The following G3BP2 variants were observed in gnomAD, a reference collection of about 807,000 sequenced individuals.
The protein encoded by G3BP2 is ras GTPase-activating protein-binding protein 2.
G3BP2 carries 11 observed loss-of-function variants against 56.7 expected under a neutral mutation model. The observed-to-expected ratio is 0.19, with a 90% CI of 0.12 to 0.32. The LOEUF is 0.32. Among genes scored for constraint, G3BP2 ranks in the 10% least tolerant of loss-of-function variants. The pLI is 1.00. For missense variants in G3BP2, 340 were observed against 610.9 expected (o/e 0.56, Z 4.67); for synonymous variants, 165 against 191.6 (o/e 0.86, Z 1.15).
intron 3 of G3BP2, among the ~76,000 whole-genome samples, chr4:75,685,512 A>C (rs1362871292): frequency 6.6e-6 from 1 of 151,952 alleles, no homozygotes; most frequent in East Asian, 1.9e-4. Context: ...AAAAAAAAAA[A>C]AAAAAACCAA....
intron 3 of G3BP2, among the ~76,000 whole-genome samples, chr4:75,684,693 G>A (rs986592669): frequency 5.9e-5 from 9 of 151,802 alleles, no homozygotes; most frequent in Non-Finnish European, 8.8e-5. Context: ...ACCATGCCCA[G>A]CTAAACCAGA....
intron 1 of G3BP2, among the ~76,000 whole-genome samples, chr4:75,665,948 C>T (rs1733003360): frequency 6.6e-6 from 1 of 152,174 alleles, no homozygotes; most frequent in African/African-American, 2.4e-5. Context: ...TTGTTTTCTT[C>T]TCTCTGGATT....
chr4:75,711,690 G>A (rs982565866), intron 3 of G3BP2, among the ~76,000 whole-genome samples: 8 of 152,020 alleles, frequency 5.3e-5, no homozygotes, highest in Non-Finnish European at 1.2e-4. Context: ...TCCAGCCTGT[G>A]CAACAACAGC....
chr4:75,674,719 T>TATATATATATATATATATATATATATATA (rs57822618), upstream of G3BP2, among the ~76,000 whole-genome samples: 1 of 51,048 alleles, frequency 2.0e-5, no homozygotes, highest in Non-Finnish European at 3.4e-5. Flanking sequence ...TATATATATA[T>TATATATATATATATATATATATATATATA]TTTTTTTTTT....
chr4:75,658,450 G>A (rs1732279098), intron 3 of G3BP2, among the ~76,000 whole-genome samples: 1 of 150,968 alleles, frequency 6.6e-6, no homozygotes, highest in Non-Finnish European at 1.5e-5. Flanking sequence ...AAAAAAGCCG[G>A]CCGGGCGCGG....
upstream of G3BP2, chr4:75,673,438 CTT>C (rs1273549556): frequency 8.1e-7 from 1 of 1,232,116 alleles, no homozygotes; most frequent in African/African-American, 1.6e-5. Flanking sequence ...ACCGCCCCCT[CTT>C]ATTGTTTTAC....
intron 3 of G3BP2, among the ~76,000 whole-genome samples, chr4:75,710,385 A>G (rs6826858): frequency 0.87 from 132,829 of 152,212 alleles, 57,972 homozygotes; most frequent in East Asian, 0.91. Context: ...CACTTCCTCT[A>G]TAAGTGGGCC....
At chr4:75,708,370 G>A (rs1404711947) in intron 3 of G3BP2, among the ~76,000 whole-genome samples, 9 of 152,192 alleles carry the variant, frequency 5.9e-5, no homozygotes, top group Admixed American at 3.3e-4. Context: ...GACCTAGGAA[G>A]ACAGGGATCC....
chr4:75,693,020 G>T (rs1334715122), intron 3 of G3BP2, among the ~76,000 whole-genome samples: 1 of 152,196 alleles, frequency 6.6e-6, no homozygotes, highest in African/African-American at 2.4e-5. Flanking sequence ...GCCAAGGCGG[G>T]TGGATCACGA....
chr4:75,711,768 G>C (rs1488486140), intron 3 of G3BP2, among the ~76,000 whole-genome samples: 2 of 151,900 alleles, frequency 1.3e-5, no homozygotes, highest in African/African-American at 4.8e-5. Flanking sequence ...AAGGGAAGGA[G>C]AAAGAGATGG....
At chr4:75,672,192 ACTCTC>A (rs1433165869) in intron 1 of G3BP2, among the ~76,000 whole-genome samples, 2 of 151,650 alleles carry the variant, frequency 1.3e-5, no homozygotes, top group African/African-American at 4.9e-5. Flanking sequence ...AGGAAAAGGC[ACTCTC>A]CTCCCACCCC....
chr4:75,694,864 C>T (rs1165659448), intron 3 of G3BP2: 2 of 985,428 alleles, frequency 2.0e-6, no homozygotes, highest in Non-Finnish European at 2.4e-6. Flanking sequence ...GACATCACAT[C>T]CAGAAGTAAC....
chr4:75,674,721 T>TATATATATATATACA (rs56397332), upstream of G3BP2, among the ~76,000 whole-genome samples: 1 of 66,210 alleles, frequency 1.5e-5, no homozygotes, highest in Non-Finnish European at 2.9e-5. Flanking sequence ...TATATATATT[T>TATATATATATATACA]TTTTTTTTTT....
intron 9 of G3BP2, among the ~76,000 whole-genome samples, chr4:75,648,031 T>C (rs894081608): frequency 2.6e-5 from 4 of 152,178 alleles, no homozygotes; most frequent in Admixed American, 2.6e-4. Flanking sequence ...AGTAGGTTAT[T>C]GGCAGCTTGG....
chr4:75,718,608 C>T (rs1720021383), intron 3 of G3BP2, among the ~76,000 whole-genome samples: 1 of 152,178 alleles, frequency 6.6e-6, no homozygotes, highest in Non-Finnish European at 1.5e-5. Flanking sequence ...TGTTCCCCAG[C>T]TCCTATGCCA....
At chr4:75,653,457 G>T (rs1345858839) in intron 8 of G3BP2, among the ~76,000 whole-genome samples, 1 of 151,676 alleles carries the variant, frequency 6.6e-6, no homozygotes, top group East Asian at 1.9e-4. Flanking sequence ...CAGAATACTA[G>T]AATGATCAGT....
chr4:75,700,753 A>G (rs1384530787), intron 3 of G3BP2, among the ~76,000 whole-genome samples: 1 of 151,532 alleles, frequency 6.6e-6, no homozygotes, highest in East Asian at 2.0e-4. Flanking sequence ...AAAAAAAAAG[A>G]AAAAGAAAAG....
intron 3 of G3BP2, among the ~76,000 whole-genome samples, chr4:75,683,280 G>C (rs889534728): frequency 1.7e-4 from 26 of 152,126 alleles, no homozygotes; most frequent in African/African-American, 6.3e-4. Flanking sequence ...TAAAGATGTA[G>C]GCCGAGCACG....
upstream of G3BP2, among the ~76,000 whole-genome samples, chr4:75,678,317 TG>T (rs1158164935): frequency 3.3e-5 from 5 of 151,694 alleles, no homozygotes; most frequent in African/African-American, 1.2e-4. Context: ...TGTGTGTGTG[TG>T]TGTGTGTGTG....
Sources: gnomAD v4.1 joint callset for allele counts (sites outside exome capture counted in the v4.1 genomes callset) on GRCh38, gnomAD v4.1.1 for gene constraint, MANE v1.5 for transcripts, NCBI Gene and HGNC (gene_info 2026-07-23, HGNC 2026-07-21) for gene names.